The following POFUT3 variants were observed in gnomAD, a reference collection of about 807,000 sequenced individuals.
The protein encoded by POFUT3 is GDP-fucose protein O-fucosyltransferase 3.
At chr8:33,424,034 G>T in the POFUT3 span, among the ~76,000 whole-genome samples, 1 of 151,798 alleles carries the variant, frequency 6.6e-6, no homozygotes, top group South Asian at 2.1e-4. Flanking sequence ...AGCTACTCAG[G>T]AGACTGAGGC....
the POFUT3 span, among the ~76,000 whole-genome samples, chr8:33,334,501 C>A: frequency 6.6e-6 from 1 of 152,140 alleles, no homozygotes; most frequent in Non-Finnish European, 1.5e-5. Flanking sequence ...TAGAGGTGAG[C>A]CACAGTACCC....
the POFUT3 span, among the ~76,000 whole-genome samples, chr8:33,370,165 TTACTAAAAAAAAAA>T: frequency 2.1e-3 from 186 of 90,186 alleles, 2 homozygotes; most frequent in African/African-American, 7.9e-3. Context: ...AACCCCATCT[TTACTAAAAAAAAAA>T]AAAAAAAAAA....
the POFUT3 span, among the ~76,000 whole-genome samples, chr8:33,443,662 T>C: frequency 2.2e-4 from 33 of 152,134 alleles, no homozygotes; most frequent in East Asian, 5.8e-3. Flanking sequence ...CTGGCTAATT[T>C]TTTGTATTTT....
chr8:33,333,844 C>G, the POFUT3 span, among the ~76,000 whole-genome samples: 1 of 151,980 alleles, frequency 6.6e-6, no homozygotes, highest in Non-Finnish European at 1.5e-5. Flanking sequence ...CTAAGAAGAC[C>G]GTATTGGCGG....
At chr8:33,320,662 A>G in the POFUT3 span, among the ~76,000 whole-genome samples, 1 of 152,108 alleles carries the variant, frequency 6.6e-6, no homozygotes, top group Non-Finnish European at 1.5e-5. Flanking sequence ...AACGATTAAG[A>G]TAGTGCACTT....
chr8:33,318,868 A>T, the POFUT3 span, among the ~76,000 whole-genome samples: 2 of 54,858 alleles, frequency 3.6e-5, no homozygotes, highest in Non-Finnish European at 5.4e-5. Flanking sequence ...TTTTATATAT[A>T]TTTTTTATAT....
the POFUT3 span, among the ~76,000 whole-genome samples, chr8:33,464,832 A>G: frequency 6.6e-6 from 1 of 152,188 alleles, no homozygotes; most frequent in African/African-American, 2.4e-5. Flanking sequence ...ACCACCAGAC[A>G]ATACCAACAC....
At chr8:33,383,557 G>C in the POFUT3 span, among the ~76,000 whole-genome samples, 6 of 152,254 alleles carry the variant, frequency 3.9e-5, no homozygotes, top group Admixed American at 3.3e-4. Context: ...TCAGCACTTT[G>C]GGAGGCTGAG....
At chr8:33,396,237 G>A in the POFUT3 span, among the ~76,000 whole-genome samples, 2 of 152,068 alleles carry the variant, frequency 1.3e-5, no homozygotes, top group African/African-American at 2.4e-5. Flanking sequence ...CAGTCGAAGC[G>A]TAGCAGGGAT....
chr8:33,389,506 T>C, the POFUT3 span: 7 of 1,614,068 alleles, frequency 4.3e-6, no homozygotes, highest in Non-Finnish European at 5.9e-6. Context: ...TGTCTGATGG[T>C]GGGTCACAGT....
At chr8:33,348,311 A>C in the POFUT3 span, among the ~76,000 whole-genome samples, 215 of 152,214 alleles carry the variant, frequency 1.4e-3, 3 homozygotes, top group Non-Finnish European at 1.7e-3. Context: ...AACTAATAAA[A>C]TGTGGCAGAA....
the POFUT3 span, among the ~76,000 whole-genome samples, chr8:33,354,836 G>A: frequency 6.6e-6 from 1 of 152,274 alleles, no homozygotes; most frequent in Non-Finnish European, 1.5e-5. Context: ...ATGTGGGGAG[G>A]AGCATAACAA....
chr8:33,346,646 A>G, the POFUT3 span, among the ~76,000 whole-genome samples: 1 of 152,218 alleles, frequency 6.6e-6, no homozygotes, highest in Non-Finnish European at 1.5e-5. Context: ...AATCAGAGGT[A>G]TAATGTTTCC....
At chr8:33,463,075 G>A in the POFUT3 span, among the ~76,000 whole-genome samples, 2 of 152,112 alleles carry the variant, frequency 1.3e-5, no homozygotes, top group Non-Finnish European at 2.9e-5. Flanking sequence ...GGGCAATGCT[G>A]CTGCACAGTA....
chr8:33,328,761 G>A, the POFUT3 span, among the ~76,000 whole-genome samples: 1 of 152,132 alleles, frequency 6.6e-6, no homozygotes, highest in Non-Finnish European at 1.5e-5. Context: ...GAGAGATGTA[G>A]AACACTGGTT....
At chr8:33,416,737 T>A in the POFUT3 span, among the ~76,000 whole-genome samples, 1 of 149,724 alleles carries the variant, frequency 6.7e-6, no homozygotes, top group Non-Finnish European at 1.5e-5. Flanking sequence ...TCCCAGCTAC[T>A]CTGGAGGCTG....
At chr8:33,461,549 T>A in the POFUT3 span, 3 of 1,588,360 alleles carry the variant, frequency 1.9e-6, no homozygotes, top group African/African-American at 2.7e-5. Context: ...GGAAGAACCA[T>A]CTGGGCGCCA....
the POFUT3 span, chr8:33,455,935 A>T: frequency 2.3e-6 from 1 of 428,296 alleles, no homozygotes; most frequent in Non-Finnish European, 4.6e-6. Flanking sequence ...GTGAAAGCCA[A>T]GCAGCACTCC....
the POFUT3 span, among the ~76,000 whole-genome samples, chr8:33,454,729 C>T: frequency 6.0e-5 from 9 of 149,520 alleles, no homozygotes; most frequent in Non-Finnish European, 1.2e-4. Flanking sequence ...TGCAGTGGCG[C>T]GATCTTGGCT....
Sources: gnomAD v4.1 joint callset for allele counts (sites outside exome capture counted in the v4.1 genomes callset) on GRCh38, gnomAD v4.1.1 for gene constraint, MANE v1.5 for transcripts, NCBI Gene and HGNC (gene_info 2026-07-23, HGNC 2026-07-21) for gene names.